PTPN5: variants seen among roughly 807,000 people sequenced by gnomAD.
PTPN5 encodes the protein protein tyrosine phosphatase non-receptor type 5, also known as tyrosine-protein phosphatase non-receptor type 5.
A neutral mutation model predicts 73.9 loss-of-function variants in PTPN5; 29 were observed. The observed-to-expected ratio is 0.39, with a 90% CI of 0.29 to 0.54. The LOEUF (loss-of-function observed/expected upper bound fraction) is 0.54, where lower values mean the gene tolerates loss of function less well. Among genes scored for constraint, PTPN5 ranks in the 20% least tolerant of loss-of-function variants. The pLI is 0.65. For synonymous variants in PTPN5, 267 were observed against 304.7 expected (o/e 0.88, Z 1.29); for missense variants, 652 against 751.4 (o/e 0.87, Z 1.55).
Position 18,740,681 on chromosome 11 carries a change from G to A in PTPN5, c.837C>T (p.Leu279=). The A allele has an allele frequency of 6.2e-7, 1 of 1,609,100 alleles. No individual in the cohort carries two copies. Among genetic ancestry groups the A allele is most frequent in the Non-Finnish European group, 8.5e-7 (1 of 1,177,314 alleles). ...PREESAREYL[L]SASRVLQAEE... Reference sequence around the variant, plus strand: ...CTGCTTGGAGGACACGGGAGGCGCTGAGCAGGTACTCGCGGGCGGACTCCT... The same window carrying A: ...CTGCTTGGAGGACACGGGAGGCGCTAAGCAGGTACTCGCGGGCGGACTCCT... The change falls in exon 8 of 15, where the codon CTC becomes CTT. Residue 279 remains leucine, a synonymous_variant. Transcript: ENST00000358540.
In PTPN5 at chr11:18,727,969, G is replaced by C. The variant is rs1049226359; in HGVS notation, c.*965C>G. 2 of 152,606 alleles carry C rather than the reference G, an allele frequency of 1.3e-5. No homozygotes were observed. Among genetic ancestry groups the C allele is most frequent in the Admixed American group, 1.3e-4 (2 of 15,278 alleles). The allele number at this position is 152,606 out of a possible 1,614,324, so 9.5% of individuals were successfully genotyped here. A position where few individuals can be genotyped will look rare whatever the true frequency, so the allele number is the denominator to read the frequency against. ...TGCTCCGTTTATTGCTCTATTCAATGACCACGAGCGAATTATAAAAAGACA... is the reference window on the plus strand; with the variant it reads ...TGCTCCGTTTATTGCTCTATTCAATCACCACGAGCGAATTATAAAAAGACA... On this transcript the variant is annotated 3_prime_UTR_variant, in exon 15 of 15. Coordinates refer to ENST00000358540, the MANE Select transcript of PTPN5 (RefSeq NM_006906.2).
chr11:18,788,549 T>C (rs1045250547), intron 1 of PTPN5, among the ~76,000 whole-genome samples: 1 of 152,228 alleles, frequency 6.6e-6, no homozygotes, highest in Admixed American at 6.5e-5. Context: ...CTCCTCGAAA[T>C]AGTTTTCTTC....
At chr11:18,748,777 A>G (rs1849752239) in intron 3 of PTPN5, among the ~76,000 whole-genome samples, 2 of 152,186 alleles carry the variant, frequency 1.3e-5, no homozygotes, top group Admixed American at 1.3e-4. Context: ...AGCGCCGATT[A>G]TACGTCAAGC....
At chr11:18,749,740 A>G (rs1207139013) in intron 3 of PTPN5, among the ~76,000 whole-genome samples, 1 of 152,112 alleles carries the variant, frequency 6.6e-6, no homozygotes, top group African/African-American at 2.4e-5. Flanking sequence ...CCGGCTCCCA[A>G]ATCCCACCAT....
chr11:18,729,949 T>C lies in PTPN5; in HGVS notation c.1330-131A>G, dbSNP rs1167650778. 2 of 1,240,550 alleles carry C rather than the reference T, an allele frequency of 1.6e-6. No homozygotes were observed. Among genetic ancestry groups the C allele is most frequent in the Non-Finnish European group, 2.3e-6 (2 of 865,926 alleles). The allele number at this position is 1,240,550 out of a possible 1,614,324, so 76.8% of individuals were successfully genotyped here. On this transcript the variant is annotated intron_variant, in intron 12 of 14. Coordinates refer to ENST00000358540, the MANE Select transcript of PTPN5 (RefSeq NM_006906.2). The surrounding 1 kb of genome is among the most constrained non-coding windows in gnomAD (Gnocchi z 5.2). ...CACTGAGAGTGGGACCCCTTCACCC[T>C]TCCATCTAGGCCACATTGCCCAGTG...
rs1201026082 is a variant in PTPN5 at position 18,765,824 on chromosome 11, C to A, written c.80G>T (p.Cys27Phe). 15 of 1,577,792 alleles carry A rather than the reference C, an allele frequency of 9.5e-6. No individual in the cohort carries two copies. The highest frequency in any genetic ancestry group is 2.3e-5 in the South Asian group (2 of 85,790). Residue 27 changes from cysteine (C) to phenylalanine (F), a missense_variant, in exon 3 of 15, where the codon TGC (cysteine) becomes TTC (phenylalanine). Cys to Phe is a radical substitution (Grantham distance 205). Transcript: ENST00000358540. Reference sequence around the variant, plus strand: ...AGACTCACCCGGTAGCCTCTCACTGCAGCACATGTCCAGGGCCCCTCCCTC... The same window carrying A: ...AGACTCACCCGGTAGCCTCTCACTGAAGCACATGTCCAGGGCCCCTCCCTC... The part of the protein sequence containing the change: ...DSEGGALDMC[C>F]SERLPGLPQP...
chr11:18,769,886 C>T (rs534625540), intron 2 of PTPN5, among the ~76,000 whole-genome samples: 24 of 152,204 alleles, frequency 1.6e-4, no homozygotes, highest in Admixed American at 4.6e-4. Flanking sequence ...AGCAGAGGCA[C>T]GTGGGCAAGA....
At chr11:18,776,626 C>T (rs1358240577) in intron 1 of PTPN5, among the ~76,000 whole-genome samples, 2 of 152,080 alleles carry the variant, frequency 1.3e-5, no homozygotes, top group African/African-American at 2.4e-5. Context: ...TCCACCTACA[C>T]GTGGAGATTG....
At position 18,742,392 on chromosome 11, in the gene PTPN5, C is replaced by T; in HGVS notation, c.595G>A (p.Glu199Lys). The T allele has an allele frequency of 6.2e-7, 1 of 1,614,160 alleles. No individual in the cohort carries two copies. Among genetic ancestry groups the T allele is most frequent in the Non-Finnish European group, 8.5e-7 (1 of 1,180,022 alleles). ...PSFTYSEWMEEKIEDDFLDLD... is the reference protein window; with the variant it reads ...PSFTYSEWMEKKIEDDFLDLD... Reference sequence around the variant, plus strand: ...TCCAGGAAGTCATCCTCGATCTTCTCCTCCATCCACTCTGAGTAGGTGAAG... The same window carrying T: ...TCCAGGAAGTCATCCTCGATCTTCTTCTCCATCCACTCTGAGTAGGTGAAG... Residue 199 changes from glutamate (E) to lysine (K), a missense_variant, in exon 7 of 15, where the codon GAG (glutamate) becomes AAG (lysine). Physicochemically the swap from Glu to Lys is moderately conservative, Grantham distance 56 (BLOSUM62 1). Coordinates refer to ENST00000358540, the MANE Select transcript of PTPN5 (RefSeq NM_006906.2). This position sits in a 1 kb window ranked among gnomAD's most constrained non-coding sequence, Gnocchi z 4.1.
chr11:18,774,884 A>G (rs1590604010), intron 1 of PTPN5, among the ~76,000 whole-genome samples: 1 of 152,206 alleles, frequency 6.6e-6, no homozygotes, highest in African/African-American at 2.4e-5. Context: ...AGGTGATCTG[A>G]GAGAGAAAGG....
intron 4 of PTPN5, 116 bp from the exon 5 acceptor site, chr11:18,743,545 G>C (rs1849473400): frequency 7.7e-6 from 7 of 908,148 alleles, no homozygotes; most frequent in Non-Finnish European, 1.2e-5. Context: ...GAACCTCTAA[G>C]GTCCAGACCG....
Position 18,732,827 on chromosome 11 carries a change from C to T in PTPN5, c.1219-125G>A, listed in dbSNP as rs1170666981. ...GGTTGCTGCTACAGAGTGTTGGGTT[C>T]AAATCTCAGCTGCAAACTCTATAAG... On this transcript the variant is annotated intron_variant, in intron 11 of 14. Coordinates refer to ENST00000358540, the MANE Select transcript of PTPN5 (RefSeq NM_006906.2). 2.7e-5 allele frequency: 20 copies of T among 746,008 alleles called. No individual in the cohort carries two copies. In the Admixed American group the frequency reaches 4.9e-4, roughly 18 times the overall value. The allele number at this position is 746,008 out of a possible 1,614,324, so 46.2% of individuals were successfully genotyped here. A position where few individuals can be genotyped will look rare whatever the true frequency, so the allele number is the denominator to read the frequency against.
Position 18,772,008 on chromosome 11 carries a change from T to A in PTPN5, c.-50A>T. The A allele has an allele frequency of 6.7e-7, 1 of 1,483,582 alleles. No homozygotes were observed. The highest frequency in any genetic ancestry group is 2.6e-5 in the East Asian group (1 of 39,166). The allele number at this position is 1,483,582 out of a possible 1,614,324, so 91.9% of individuals were successfully genotyped here. On this transcript the variant is annotated 5_prime_UTR_variant, in exon 2 of 15. In the 5' UTR this introduces an upstream ATG that the reference lacks. Transcript: ENST00000358540. ...GGTGCCATCTTCCAGGGCAGGAAGC[T>A]TTCTCAGCAAAAAGCAAGCTGGTGA...
Position 18,729,372 on chromosome 11 carries a change from CCATGCA to C in PTPN5, c.1604+75_1604+80del. On this transcript the variant is annotated intron_variant, in intron 14 of 14. Coordinates refer to ENST00000358540, the MANE Select transcript of PTPN5 (RefSeq NM_006906.2). The surrounding 1 kb of genome is among the most constrained non-coding windows in gnomAD (Gnocchi z 5.2). ...TTTCCATCTGCCCCTCACCCCCCGC[CCATGCA>C]CATGTGGGTCTCTCCCTCTACCCGC... 1.4e-6 allele frequency: 1 copy of C among 731,290 alleles called. No individual in the cohort carries two copies. Among genetic ancestry groups the C allele is most frequent in the Non-Finnish European group, 2.5e-6 (1 of 406,846 alleles). The allele number at this position is 731,290 out of a possible 1,614,324, so 45.3% of individuals were successfully genotyped here. A position where few individuals can be genotyped will look rare whatever the true frequency, so the allele number is the denominator to read the frequency against.
rs769876880 is a variant in PTPN5, at chr11:18,744,160, G to T, written c.137C>A (p.Ala46Asp). Residue 46 changes from alanine (A) to aspartate (D), a missense_variant, in exon 4 of 15, where the codon GCT (alanine) becomes GAT (aspartate). By Grantham distance (126) the Ala-to-Asp change is moderately radical. Around this residue, in one of 3 missense-constraint regions of PTPN5, gnomAD observed 529 missense variants for 573.9 expected, o/e 0.92. Coordinates refer to ENST00000358540, the MANE Select transcript of PTPN5 (RefSeq NM_006906.2). ...TCTCTGTGAGTCCTGGAGCCCTTCAGCCTCGTCCAGTGCCTCCATCACTAT... is the reference window on the plus strand; with the variant it reads ...TCTCTGTGAGTCCTGGAGCCCTTCATCCTCGTCCAGTGCCTCCATCACTAT... ...QPIVMEALDE[A>D]EGLQDSQREM... 6.3e-7 allele frequency: 1 copy of T among 1,590,058 alleles called. No individual in the cohort carries two copies. Among genetic ancestry groups the T allele is most frequent in the Non-Finnish European group, 8.5e-7 (1 of 1,170,946 alleles).
chr11:18,768,409 C>T (rs1482238939), intron 2 of PTPN5, among the ~76,000 whole-genome samples: 1 of 152,182 alleles, frequency 6.6e-6, no homozygotes, highest in African/African-American at 2.4e-5. Context: ...CCCAACCTTC[C>T]AATCCTAAAC....
chr11:18,739,862 T>G (rs1279272214), intron 8 of PTPN5, among the ~76,000 whole-genome samples: 1 of 152,144 alleles, frequency 6.6e-6, no homozygotes, highest in Non-Finnish European at 1.5e-5. Flanking sequence ...CAGGAAAGAA[T>G]TATAGGGGTG....
chr11:18,787,079 G>A (rs1166540521), intron 1 of PTPN5, among the ~76,000 whole-genome samples: 2 of 152,104 alleles, frequency 1.3e-5, no homozygotes, highest in Non-Finnish European at 2.9e-5. Flanking sequence ...TTTCAGGTAC[G>A]TTTTACTATT....
intron 3 of PTPN5, among the ~76,000 whole-genome samples, chr11:18,755,335 G>C (rs1979048): frequency 6.6e-6 from 1 of 152,198 alleles, no homozygotes; most frequent in Non-Finnish European, 1.5e-5. Context: ...GACTGACTTA[G>C]GCCATGCGGC....
Sources: allele counts gnomAD v4.1 joint callset (sites outside exome capture counted in the v4.1 genomes callset), GRCh38; gene constraint gnomAD v4.1.1; regional missense constraint gnomAD v4.1.1; non-coding constraint Gnocchi (gnomAD v3.1); transcripts MANE v1.5; gene names NCBI Gene and HGNC (gene_info 2026-07-23, HGNC 2026-07-21).